The following CTDSPL2 variants were observed in gnomAD, a reference collection of about 807,000 sequenced individuals.
The protein encoded by CTDSPL2 is CTD small phosphatase-like protein 2.
In CTDSPL2, 5 loss-of-function variants were observed where a neutral mutation model predicts 60.0. The observed-to-expected ratio is 0.08, with a 90% CI of 0.04 to 0.18. The LOEUF is 0.18. Among genes scored for constraint, CTDSPL2 ranks in the 10% least tolerant of loss-of-function variants. The pLI, the probability that CTDSPL2 is intolerant of heterozygous loss-of-function variation, is 1.00. For missense variants in CTDSPL2, 370 were observed against 548.8 expected (o/e 0.67, Z 3.26); for synonymous variants, 186 against 189.3 (o/e 0.98, Z 0.14).
chr15:44,442,448 A>G (rs1450887806), intron 1 of CTDSPL2, among the ~76,000 whole-genome samples: 1 of 145,876 alleles, frequency 6.9e-6, no homozygotes, highest in African/African-American at 2.5e-5. Flanking sequence ...CTCTGTCTCA[A>G]AAAAAAAAAA....
At chr15:44,448,267 G>C (rs544648136) in intron 1 of CTDSPL2, 35 of 287,008 alleles carry the variant, frequency 1.2e-4, no homozygotes, top group Non-Finnish European at 1.9e-4. Context: ...GACCTTGCCT[G>C]TGTGCTGGAT....
intron 2 of CTDSPL2, among the ~76,000 whole-genome samples, chr15:44,461,573 CTTTTTTTTT>C (rs35540014): frequency 4.0e-5 from 5 of 125,668 alleles, no homozygotes; most frequent in African/African-American, 1.5e-4. Flanking sequence ...GTTTCTCTCC[CTTTTTTTTT>C]TTTTTTTTTT....
intron 5 of CTDSPL2, among the ~76,000 whole-genome samples, chr15:44,494,597 CAAAAAA>C (rs35844626): frequency 7.1e-6 from 1 of 140,542 alleles, no homozygotes; most frequent in Non-Finnish European, 1.6e-5. Flanking sequence ...GACCCTGTCT[CAAAAAA>C]AAAAAGGTTA....
intron 12 of CTDSPL2, among the ~76,000 whole-genome samples, chr15:44,522,123 TC>T (rs1277216507): frequency 2.0e-5 from 3 of 152,066 alleles, no homozygotes; most frequent in South Asian, 4.1e-4. Flanking sequence ...AGCCTTGACT[TC>T]CTGGGCTCAA....
At chr15:44,522,479 G>T (rs1192381132) in intron 12 of CTDSPL2, among the ~76,000 whole-genome samples, 2 of 152,190 alleles carry the variant, frequency 1.3e-5, no homozygotes, top group Non-Finnish European at 2.9e-5. Context: ...TTGGCCGGGT[G>T]TGGTGGCTGA....
rs192059818 is a variant in CTDSPL2, at chr15:44,441,647, C to T, written c.-25+13875C>T. ...AGCCCGTGCTTGCTTTCTGTCTCTC[C>T]TAGGAAGGGGTTGTATTTTCTTGGA... is the stretch of plus-strand genomic sequence containing the variant. On this transcript the variant is annotated intron_variant, in intron 1 of 12. Transcript: ENST00000260327. Among the ~76,000 whole-genome samples, 680 of 152,160 alleles carry T rather than the reference C, an allele frequency of 4.5e-3. 4 individuals are homozygous for T. The highest frequency in any genetic ancestry group is 0.016 in the African/African-American group (647 of 41,514).
chr15:44,465,652 A>C (rs2080670170), intron 2 of CTDSPL2, among the ~76,000 whole-genome samples: 1 of 151,944 alleles, frequency 6.6e-6, no homozygotes, highest in Non-Finnish European at 1.5e-5. Flanking sequence ...ATTTTTGTTC[A>C]AAATCTTTAA....
rs377114381 is a variant in CTDSPL2 at position 44,514,726 on chromosome 15, C to T, written c.1033-39C>T. The T allele has an allele frequency of 9.7e-5, 148 of 1,525,772 alleles. No individual in the cohort carries two copies. In the African/African-American group the frequency reaches 1.8e-3, roughly 19 times the overall value. 94.5% of individuals were successfully genotyped at this position (1,525,772 alleles called of 1,614,324 possible). On this transcript the variant is annotated intron_variant, in intron 9 of 12. Coordinates refer to ENST00000260327, the MANE Select transcript of CTDSPL2 (RefSeq NM_016396.3). ...ATTCAATATAGTACCCATATTTAGA[C>T]CATGTATAATGATTACTTCTTTTCC... is the stretch of plus-strand genomic sequence containing the variant.
chr15:44,473,441 G>A (rs555505653), intron 2 of CTDSPL2, among the ~76,000 whole-genome samples: 62 of 152,026 alleles, frequency 4.1e-4, no homozygotes, highest in Non-Finnish European at 6.6e-4. Context: ...GACTACAGGC[G>A]CCCGCCACCA....
intron 10 of CTDSPL2, 87 bp downstream of exon 10, chr15:44,514,931 G>A: frequency 7.5e-6 from 6 of 799,226 alleles, no homozygotes; most frequent in Non-Finnish European, 1.2e-5. Flanking sequence ...GCCATTTTCA[G>A]TTGGCTGCAT....
At chr15:44,470,460 A>G (rs1252020178) in intron 2 of CTDSPL2, 1 of 138,642 alleles carries the variant, frequency 7.2e-6, no homozygotes, top group South Asian at 2.2e-4. Flanking sequence ...TTTTTTTTTT[A>G]TTTTAAAGAC....
intron 8 of CTDSPL2, among the ~76,000 whole-genome samples, chr15:44,509,789 G>T (rs1036936497): frequency 6.6e-6 from 1 of 151,836 alleles, no homozygotes; most frequent in African/African-American, 2.4e-5. Flanking sequence ...AGCCGGTTGT[G>T]GTGGCATGCG....
chr15:44,488,538 G>A (rs993442502), intron 4 of CTDSPL2, among the ~76,000 whole-genome samples: 1 of 152,138 alleles, frequency 6.6e-6, no homozygotes, highest in Non-Finnish European at 1.5e-5. Flanking sequence ...CAGGCTGGGC[G>A]CGGTGGCTCA....
At chr15:44,477,255 A>G (rs569112148) in intron 2 of CTDSPL2, among the ~76,000 whole-genome samples, 142 of 152,220 alleles carry the variant, frequency 9.3e-4, no homozygotes, top group African/African-American at 3.3e-3. Context: ...AAAGGGGGCC[A>G]GGCTCAGTGG....
chr15:44,513,282 A>G (rs2081596162), intron 8 of CTDSPL2, among the ~76,000 whole-genome samples: 1 of 151,904 alleles, frequency 6.6e-6, no homozygotes, highest in South Asian at 2.1e-4. Flanking sequence ...CCTGCCCAAC[A>G]TGGCGAAACC....
chr15:44,511,891 A>AAG (rs1425482327), intron 8 of CTDSPL2, among the ~76,000 whole-genome samples: 1 of 150,336 alleles, frequency 6.7e-6, no homozygotes, highest in African/African-American at 2.5e-5. Context: ...AAAAAAAAAA[A>AAG]AGAAAATCTG....
intron 2 of CTDSPL2, among the ~76,000 whole-genome samples, chr15:44,461,595 T>A (rs952699860): frequency 3.2e-3 from 476 of 148,696 alleles, no homozygotes; most frequent in Non-Finnish European, 5.2e-3. Flanking sequence ...TTTTTTTTTT[T>A]TTAAAGAGAT....
chr15:44,461,573 CTT>C (rs35540014), intron 2 of CTDSPL2, among the ~76,000 whole-genome samples: 5,096 of 125,520 alleles, frequency 0.041, 147 homozygotes, highest in East Asian at 0.12. Flanking sequence ...GTTTCTCTCC[CTT>C]TTTTTTTTTT....
intron 6 of CTDSPL2, 86 bp from the exon 7 acceptor site, chr15:44,496,941 A>G: frequency 1.4e-6 from 1 of 694,590 alleles, no homozygotes; most frequent in Non-Finnish European, 2.4e-6. Context: ...TAACTGCTTT[A>G]TAGATTTTTA....
Sources: gnomAD v4.1 joint callset for allele counts (sites outside exome capture counted in the v4.1 genomes callset) on GRCh38, gnomAD v4.1.1 for gene constraint, MANE v1.5 for transcripts, NCBI Gene and HGNC (gene_info 2026-07-23, HGNC 2026-07-21) for gene names.